Variants in DOCK4 observed in about 807,000 individuals in gnomAD.
The protein encoded by DOCK4 is dedicator of cytokinesis 4, also known as dedicator of cytokinesis protein 4.
DOCK4 carries 97 observed loss-of-function variants against 268.1 expected under a neutral mutation model. The observed-to-expected ratio is 0.36, with a 90% CI of 0.31 to 0.43. The LOEUF is 0.43. DOCK4 is among the 20% of genes least tolerant of loss of function. The pLI, the probability that DOCK4 is intolerant of heterozygous loss-of-function variation, is 1.00. For synonymous variants in DOCK4, 954 were observed against 887.2 expected, an observed-to-expected ratio of 1.08 and a Z score of -1.34; for missense variants, 2,145 against 2,455.7, an observed-to-expected ratio of 0.87 and a Z score of 2.67.
At chr7:112,186,873 AG>A (rs1819528882) in intron 1 of DOCK4, among the ~76,000 whole-genome samples, 2 of 152,230 alleles carry the variant, frequency 1.3e-5, no homozygotes, top group African/African-American at 4.8e-5. Context: ...GACATATAAA[AG>A]AAGTTGCTTA....
chr7:111,944,714 T>C (rs1795479132), intron 10 of DOCK4, 97 bp downstream of exon 10: 10 of 1,201,000 alleles, frequency 8.3e-6, no homozygotes, highest in South Asian at 6.6e-5. Context: ...GATATCTTTC[T>C]GATTCAGACA....
intron 1 of DOCK4, among the ~76,000 whole-genome samples, chr7:112,204,808 G>A (rs1821241381): frequency 6.6e-6 from 1 of 151,406 alleles, no homozygotes; most frequent in South Asian, 2.1e-4. Flanking sequence ...GTTTTAAATT[G>A]CAGGAAAATG....
At chr7:111,981,935 CAG>C in intron 7 of DOCK4, among the ~76,000 whole-genome samples, 1 of 152,230 alleles carries the variant, frequency 6.6e-6, no homozygotes, top group East Asian at 1.9e-4. Context: ...ATGAAAAGAA[CAG>C]AGACAAAATT....
chr7:112,023,731 C>T, intron 1 of DOCK4: 1 of 379,300 alleles, frequency 2.6e-6, no homozygotes, highest in South Asian at 2.0e-5. Flanking sequence ...GGGTGCATAC[C>T]TTGTGCAGCA....
intron 1 of DOCK4, among the ~76,000 whole-genome samples, chr7:112,071,938 T>C (rs1807622467): frequency 6.6e-6 from 1 of 152,246 alleles, no homozygotes; most frequent in Admixed American, 6.5e-5. Flanking sequence ...CTCCTCTATA[T>C]GTTTACAATT....
At chr7:112,161,065 A>G (rs748359832) in intron 1 of DOCK4, among the ~76,000 whole-genome samples, 1 of 152,178 alleles carries the variant, frequency 6.6e-6, no homozygotes, top group Admixed American at 6.5e-5. Flanking sequence ...TTGAAAGCAG[A>G]CATGTACTTT....
rs2135094792 is a variant in DOCK4, at chr7:111,974,017, G to A, written c.701+3115C>T. On this transcript the variant is annotated intron_variant, in intron 8 of 52. Coordinates refer to ENST00000428084, the MANE Select transcript of DOCK4 (RefSeq NM_001363540.2). ...TTGATACTCATTACCTACACCAGGT[G>A]GGATGAAGGCAGCAAGAACTGTTAG... 2.6e-5 allele frequency among the ~76,000 whole-genome samples: 4 copies of A among 152,190 alleles called. No individual in the cohort carries two copies. In the East Asian group the frequency reaches 7.7e-4, roughly 29 times the overall value.
chr7:112,128,688 T>C (rs1214952503), intron 1 of DOCK4, among the ~76,000 whole-genome samples: 14 of 152,144 alleles, frequency 9.2e-5, no homozygotes, highest in Admixed American at 9.2e-4. Context: ...GTGCAAGATG[T>C]GCTTTGTTAA....
rs1472075833 is a variant in DOCK4 at position 112,206,321 on chromosome 7, G to A, written c.-183C>T. The stretch of plus-strand genomic sequence containing the variant: ...GCCCAGCGTTGACACTGCGCCGCCC[G>A]CAGCTCTCCCGGCGGCGGCTGCTCA... On this transcript the variant is annotated 5_prime_UTR_variant, in exon 1 of 53. Transcript: ENST00000428084. The A allele has an allele frequency of 1.6e-6, 1 of 632,870 alleles. No homozygotes were observed. The highest frequency in any genetic ancestry group is 2.9e-5 in the East Asian group (1 of 34,272). 39.2% of individuals were successfully genotyped at this position (632,870 alleles called of 1,614,324 possible).
chr7:112,133,668 CG>C (rs1463489554), intron 1 of DOCK4, among the ~76,000 whole-genome samples: 1 of 151,852 alleles, frequency 6.6e-6, no homozygotes, highest in Non-Finnish European at 1.5e-5. Flanking sequence ...TACAGTGAGC[CG>C]AGATGGCACC....
chr7:112,162,541 C>T lies in DOCK4; in HGVS notation c.37+43561G>A, dbSNP rs537269673. 2.4e-3 allele frequency among the ~76,000 whole-genome samples: 366 copies of T among 150,952 alleles called. 1 individual carries two copies. The highest frequency in any genetic ancestry group is 3.7e-3 in the Non-Finnish European group (252 of 67,844). ...TCTCTCTCTCTCTCTCTCTCTCCCCCCTCTCCCTGCCACCCACACACCCCA... is the reference window on the plus strand; with the variant it reads ...TCTCTCTCTCTCTCTCTCTCTCCCCTCTCTCCCTGCCACCCACACACCCCA... On this transcript the variant is annotated intron_variant, in intron 1 of 52. Coordinates refer to ENST00000428084, the MANE Select transcript of DOCK4 (RefSeq NM_001363540.2).
rs750840339 is a variant in DOCK4, at chr7:111,896,486, G to GCT, written c.1481-769_1481-768insAG. The stretch of plus-strand genomic sequence containing the variant: ...GTACCATTCCAGTTCTTTCCACCAA[G>GCT]GTTTTTTTTTTTTTTTTTTTCCTCC... On this transcript the variant is annotated intron_variant, in intron 15 of 52. Transcript: ENST00000428084. Among the ~76,000 whole-genome samples the GCT allele has an allele frequency of 6.5e-3, 873 of 133,968 alleles. 29 individuals are homozygous for GCT. Among genetic ancestry groups the GCT allele is most frequent in the South Asian group, 0.022 (99 of 4,452 alleles). The allele number at this position is 133,968 out of a possible 152,430, so 87.9% of individuals were successfully genotyped here.
chr7:111,938,403 A>T (rs991933832), intron 11 of DOCK4, among the ~76,000 whole-genome samples: 1 of 152,210 alleles, frequency 6.6e-6, no homozygotes, highest in Admixed American at 6.5e-5. Context: ...GGCACATATT[A>T]GGTATATTAA....
intron 1 of DOCK4, among the ~76,000 whole-genome samples, chr7:112,123,371 A>G (rs1047985496): frequency 3.3e-5 from 5 of 152,154 alleles, no homozygotes; most frequent in Non-Finnish European, 7.4e-5. Flanking sequence ...GTATTTGGGG[A>G]TATGGGTTTC....
chr7:111,954,991 G>GTTTGT (rs1194109493), intron 8 of DOCK4, among the ~76,000 whole-genome samples: 1 of 152,166 alleles, frequency 6.6e-6, no homozygotes, highest in Non-Finnish European at 1.5e-5. Context: ...GCCCAGCCAT[G>GTTTGT]TTAAAGGACC....
chr7:111,821,631 T>C (rs1187170987), intron 27 of DOCK4: 1 of 152,204 alleles, frequency 6.6e-6, no homozygotes, highest in Non-Finnish European at 1.5e-5. Context: ...ACTGAATTTA[T>C]CATCTTCTAG....
chr7:111,760,540 A>C (rs1797322608), intron 39 of DOCK4, among the ~76,000 whole-genome samples: 2 of 152,178 alleles, frequency 1.3e-5, no homozygotes, highest in Non-Finnish European at 2.9e-5. Flanking sequence ...GGCCCAATAG[A>C]ATGCCTCACT....
intron 1 of DOCK4, among the ~76,000 whole-genome samples, chr7:112,191,005 C>A (rs1188915332): frequency 1.3e-5 from 2 of 152,180 alleles, no homozygotes. Flanking sequence ...TCTTGCTCCT[C>A]CAATGAATGG....
intron 1 of DOCK4, among the ~76,000 whole-genome samples, chr7:112,201,393 T>C (rs1387739410): frequency 6.6e-6 from 1 of 152,180 alleles, no homozygotes; most frequent in East Asian, 1.9e-4. Flanking sequence ...TCAGATCAGC[T>C]TGTTCTGAGT....
Sources: gnomAD v4.1 joint callset for allele counts (sites outside exome capture counted in the v4.1 genomes callset) on GRCh38, gnomAD v4.1.1 for gene constraint, MANE v1.5 for transcripts, NCBI Gene and HGNC (gene_info 2026-07-23, HGNC 2026-07-21) for gene names.